The following KLHL36 variants were observed in gnomAD, a reference collection of about 807,000 sequenced individuals.
KLHL36 encodes the protein kelch like family member 36, also known as kelch-like protein 36.
In KLHL36, 35 loss-of-function variants were observed where a neutral mutation model predicts 53.3. That is an observed-to-expected ratio of 0.66 (90% CI 0.50 to 0.87). KLHL36 has a LOEUF of 0.87. KLHL36 is among the 40% of genes least tolerant of loss of function. KLHL36 has a pLI of 0.00. For missense variants in KLHL36, 864 were observed against 897.6 expected (o/e 0.96, Z 0.48); for synonymous variants, 472 against 398.9 (o/e 1.18, Z -2.18).
chr16:84,655,851 A>T (rs887195326), intron 2 of KLHL36, among the ~76,000 whole-genome samples: 4 of 151,966 alleles, frequency 2.6e-5, no homozygotes, highest in East Asian at 1.9e-4. Context: ...CCAGCTATCT[A>T]TGTGATAGTT....
At chr16:84,650,752 C>T in intron 1 of KLHL36, 100 bp from the exon 2 acceptor site, 2 of 814,652 alleles carry the variant, frequency 2.5e-6, no homozygotes, top group South Asian at 1.5e-5. Context: ...TTCCGTGTGA[C>T]TGTTTTCACT....
In KLHL36 at chr16:84,657,101, G is replaced by A; in HGVS notation, c.294G>A (p.Lys98=). ...ELIGASYIGL[K]AVVDFLYGGE... ...TCGGCGCCTCCTACATTGGGCTCAAGGCCGTGGTGGACTTCCTGTACGGCG... is the reference window on the plus strand; with the variant it reads ...TCGGCGCCTCCTACATTGGGCTCAAAGCCGTGGTGGACTTCCTGTACGGCG... The change falls in exon 3 of 5, where the codon AAG becomes AAA. Residue 98 remains lysine (K), a synonymous_variant. Transcript: ENST00000564996. 1 of 1,614,208 alleles carries A rather than the reference G, an allele frequency of 6.2e-7. No homozygotes were observed. Among genetic ancestry groups the A allele is most frequent in the Non-Finnish European group, 8.5e-7 (1 of 1,180,050 alleles).
At chr16:84,656,031 T>C (rs931108605) in intron 2 of KLHL36, among the ~76,000 whole-genome samples, 16 of 151,864 alleles carry the variant, frequency 1.1e-4, no homozygotes, top group African/African-American at 3.9e-4. Context: ...CAGCTGGGAC[T>C]ACAGGCGAAT....
intron 3 of KLHL36, 135 bp from the exon 4 acceptor site, chr16:84,659,625 A>G: frequency 2.2e-6 from 2 of 893,114 alleles, no homozygotes; most frequent in Non-Finnish European, 3.4e-6. Context: ...AGCCCTCTTT[A>G]TTCAGGTGCA....
intron 3 of KLHL36, chr16:84,658,470 C>G (rs956697023): frequency 1.3e-5 from 2 of 152,400 alleles, no homozygotes; most frequent in Non-Finnish European, 2.9e-5. Flanking sequence ...AAGGAGACCA[C>G]TAGTGCTCAC....
rs377187239 is a variant in KLHL36 at position 84,661,550 on chromosome 16, C to G, written c.1296-28C>G. ...AAGCCTGGCACAGCCCTGAGCTCTC[C>G]CTCTGTCTCTGCCCGTCGACCCTGC... is the stretch of plus-strand genomic sequence containing the variant. On this transcript the variant is annotated intron_variant, in intron 4 of 4. Coordinates refer to ENST00000564996, the MANE Select transcript of KLHL36 (RefSeq NM_024731.4). The surrounding 1 kb of genome is among the most constrained non-coding windows in gnomAD (Gnocchi z 7.9). The G allele has an allele frequency of 5.6e-5, 87 of 1,551,126 alleles. No homozygotes were observed. The highest frequency in any genetic ancestry group is 7.4e-5 in the Non-Finnish European group (85 of 1,144,944).
Position 84,657,561 on chromosome 16 carries a change from G to A in KLHL36, c.754G>A (p.Ala252Thr). ...CGACCTGCTGCACCGCGTCAAGCCG[G>A]CCGTGTGCTCGCTGCTGCCCAAGGA... is the stretch of plus-strand genomic sequence containing the variant. ...KNDLLHRVKP[A>T]VCSLLPKEAN... The change falls in exon 3 of 5, where the codon GCC (alanine) becomes ACC (threonine). Residue 252 changes from alanine (A) to threonine (T), a missense_variant. Ala to Thr is a moderately conservative substitution (Grantham distance 58, BLOSUM62 0). Coordinates refer to ENST00000564996, the MANE Select transcript of KLHL36 (RefSeq NM_024731.4). The A allele has an allele frequency of 6.2e-7, 1 of 1,610,728 alleles. No individual in the cohort carries two copies. Among genetic ancestry groups the A allele is most frequent in the South Asian group, 1.1e-5 (1 of 91,082 alleles).
Position 84,661,235 on chromosome 16 carries a change from G to A in KLHL36, c.1296-343G>A, listed in dbSNP as rs1337068968. On this transcript the variant is annotated intron_variant, in intron 4 of 4. Transcript: ENST00000564996. The surrounding 1 kb of genome is among the most constrained non-coding windows in gnomAD (Gnocchi z 7.9). ...TTGATGTGTGATTCATCGGGTGCAT[G>A]TGTGCCTGCTAGCTCATTGTTCTAG... Among the ~76,000 whole-genome samples, 1 of 152,198 alleles carries A rather than the reference G, an allele frequency of 6.6e-6. No individual in the cohort carries two copies. The highest frequency in any genetic ancestry group is 1.5e-5 in the Non-Finnish European group (1 of 68,042).
In KLHL36 at chr16:84,657,217, A is replaced by T. The variant is rs1338770349; in HGVS notation, c.410A>T (p.Glu137Val). Reference protein sequence around the residue: ...QIWTVVDFCCEYLEQEVSEDN... With the variant: ...QIWTVVDFCCVYLEQEVSEDN... ...TGGACGGTGGTAGACTTCTGCTGTG[A>T]GTACCTGGAGCAGGAGGTGAGCGAG... The change falls in exon 3 of 5, where the codon GAG becomes GTG. Residue 137 changes from glutamate (E) to valine (V), a missense_variant. Transcript: ENST00000564996. 5 of 1,614,036 alleles carry T rather than the reference A, an allele frequency of 3.1e-6. No individual in the cohort carries two copies. The highest frequency in any genetic ancestry group is 3.4e-6 in the Non-Finnish European group (4 of 1,180,012).
intron 4 of KLHL36, 141 bp downstream of exon 4, chr16:84,660,058 A>T: frequency 1.2e-6 from 1 of 865,452 alleles, no homozygotes; most frequent in Non-Finnish European, 1.8e-6. Context: ...GAGTGGGTAC[A>T]CCATGAGGGG....
chr16:84,659,964 G>T (rs1184272144), intron 4 of KLHL36, 47 bp downstream of exon 4: 2 of 1,575,952 alleles, frequency 1.3e-6, no homozygotes, highest in East Asian at 2.3e-5. Flanking sequence ...ATGTTTTTAA[G>T]GGACATAGTT....
intron 1 of KLHL36, among the ~76,000 whole-genome samples, chr16:84,650,162 C>G (rs910277060): frequency 6.6e-6 from 1 of 152,190 alleles, no homozygotes; most frequent in Admixed American, 6.5e-5. Flanking sequence ...AGTCACAGTG[C>G]TGGCCTCATG....
intron 4 of KLHL36, among the ~76,000 whole-genome samples, chr16:84,660,126 G>A (rs1422066389): frequency 6.6e-6 from 1 of 152,210 alleles, no homozygotes; most frequent in African/African-American, 2.4e-5. Flanking sequence ...GCAAGGGTCA[G>A]CTCTGCCGCC....
rs181518309 is a variant in KLHL36, at chr16:84,655,877, C to T, written c.64-994C>T. 2.1e-4 allele frequency among the ~76,000 whole-genome samples: 32 copies of T among 152,172 alleles called. No homozygotes were observed. In the East Asian group the frequency reaches 6.2e-3, roughly 29 times the overall value. On this transcript the variant is annotated intron_variant, in intron 2 of 4. Coordinates refer to ENST00000564996, the MANE Select transcript of KLHL36 (RefSeq NM_024731.4). ...TGTGATAGTTTTCAGTTACCTGTTTCTCCCTATGTTGAATTCATTTATTTA... is the reference window on the plus strand; with the variant it reads ...TGTGATAGTTTTCAGTTACCTGTTTTTCCCTATGTTGAATTCATTTATTTA...
chr16:84,655,663 C>T (rs1448606887), intron 2 of KLHL36, among the ~76,000 whole-genome samples: 1 of 148,686 alleles, frequency 6.7e-6, no homozygotes, highest in Non-Finnish European at 1.5e-5. Flanking sequence ...GAGATTGTGC[C>T]ACTGCACTCC....
In KLHL36 at chr16:84,650,851, G is replaced by C; in HGVS notation, c.-16-1G>C. Reference sequence around the variant, plus strand: ...GCTCAGAAATCCTGTTCTTCTCCTAGGGCTGAAATCTCTTTAATGATGGAG... The same window carrying C: ...GCTCAGAAATCCTGTTCTTCTCCTACGGCTGAAATCTCTTTAATGATGGAG... On this transcript the variant is annotated splice_acceptor_variant, in intron 1 of 4. Transcript: ENST00000564996. LOFTEE classifies it low-confidence loss of function (5UTR_SPLICE). 6.2e-7 allele frequency: 1 copy of C among 1,608,864 alleles called. No homozygotes were observed. The highest frequency in any genetic ancestry group is 8.5e-7 in the Non-Finnish European group (1 of 1,177,242).
intron 2 of KLHL36, among the ~76,000 whole-genome samples, chr16:84,654,642 A>G (rs888553066): frequency 1.3e-5 from 2 of 150,620 alleles, no homozygotes; most frequent in Non-Finnish European, 3.0e-5. Context: ...TGTTTTTGAG[A>G]TGGCGTTTTG....
chr16:84,659,503 G>C, intron 3 of KLHL36: 1 of 436,202 alleles, frequency 2.3e-6, no homozygotes, highest in South Asian at 3.4e-5. Context: ...GAAGTTCGGG[G>C]GTTCAGAGCA....
At position 84,661,647 on chromosome 16, in the gene KLHL36, A is replaced by G; in HGVS notation, c.1365A>G (p.Gln455=). Residue 455 remains glutamine (Q), a synonymous_variant, in exon 5 of 5, where the codon CAA becomes CAG. Transcript: ENST00000564996. This position sits in a 1 kb window ranked among gnomAD's most constrained non-coding sequence, Gnocchi z 7.9. The stretch of plus-strand genomic sequence containing the variant: ...ACATCTCGGGGGGCCACGACTACCA[A>G]ATTGGCCCCTACCGCAAGAACCTGC... ...FVYISGGHDY[Q]IGPYRKNLLC... is the part of the protein sequence containing the mutation. 1.2e-6 allele frequency: 2 copies of G among 1,612,666 alleles called. No homozygotes were observed. The highest frequency in any genetic ancestry group is 1.7e-6 in the Non-Finnish European group (2 of 1,179,544).
Sources: gnomAD v4.1 joint callset for allele counts (sites outside exome capture counted in the v4.1 genomes callset) on GRCh38, gnomAD v4.1.1 for gene constraint, Gnocchi (gnomAD v3.1) non-coding constraint, MANE v1.5 for transcripts, NCBI Gene and HGNC (gene_info 2026-07-23, HGNC 2026-07-21) for gene names.